Variants in KIAA0930 observed in about 807,000 individuals in gnomAD.
The protein encoded by KIAA0930 is KIAA0930.
Under a neutral mutation model 43.9 loss-of-function variants are expected in KIAA0930, and 24 were observed. That is an observed-to-expected ratio of 0.55 (90% CI 0.40 to 0.77). The LOEUF (loss-of-function observed/expected upper bound fraction) is 0.77. Ranked by LOEUF, KIAA0930 falls within the 30% of genes least tolerant of loss-of-function variation. The pLI is 0.00. For synonymous variants in KIAA0930, 259 were observed against 216.4 expected (o/e 1.20, Z -1.73); for missense variants, 461 against 574.2 (o/e 0.80, Z 2.02).
intron 1 of KIAA0930, among the ~76,000 whole-genome samples, chr22:45,221,207 G>A (rs571346405): frequency 2.0e-5 from 3 of 152,038 alleles, no homozygotes; most frequent in Non-Finnish European, 2.9e-5. Flanking sequence ...TGTCACTATC[G>A]AATATATATT....
rs933850408 is a variant in KIAA0930, at chr22:45,204,231, G to A, written c.517-246C>T. Among the ~76,000 whole-genome samples the A allele has an allele frequency of 6.6e-5, 10 of 152,270 alleles. 2 individuals carry two copies. The highest frequency in any genetic ancestry group is 2.4e-4 in the African/African-American group (10 of 41,556). On this transcript the variant is annotated intron_variant, in intron 5 of 9. Coordinates refer to ENST00000336156, the MANE Select transcript of KIAA0930 (RefSeq NM_001009880.2). ...TACGGAGACTCTGGGACTGGCAGAA[G>A]ACGCACACCCTCATCACGGTTCACC...
intron 1 of KIAA0930, among the ~76,000 whole-genome samples, chr22:45,232,260 C>T (rs545683278): frequency 6.6e-4 from 100 of 152,334 alleles, no homozygotes; most frequent in Non-Finnish European, 1.1e-3. Context: ...ATAATCCACA[C>T]GCTTCATAAC....
chr22:45,209,265 T>TGCGCA (rs1461797741), intron 2 of KIAA0930, among the ~76,000 whole-genome samples: 2 of 152,122 alleles, frequency 1.3e-5, no homozygotes, highest in Non-Finnish European at 2.9e-5. Flanking sequence ...GGACTTGCAG[T>TGCGCA]GCGCAGGCGA....
intron 1 of KIAA0930, among the ~76,000 whole-genome samples, chr22:45,225,446 A>G (rs1249855576): frequency 2.6e-5 from 4 of 152,150 alleles, no homozygotes; most frequent in African/African-American, 9.7e-5. Context: ...TTCCTTTGGA[A>G]GAAGTCCAGG....
rs141242172 is a variant in KIAA0930 at position 45,238,875 on chromosome 22, GCTCTCTCTCT to G, written c.64+1755_64+1764del. Among the ~76,000 whole-genome samples the G allele has an allele frequency of 7.8e-4, 113 of 145,486 alleles. 1 individual carries two copies. The highest frequency in any genetic ancestry group is 2.7e-3 in the African/African-American group (106 of 38,660). On this transcript the variant is annotated intron_variant, in intron 1 of 9. Transcript: ENST00000336156. ...TTCCTCATTGGTTGTCCCTGGGCAGGCTCTCTCTCTCTCTCTCTCTCTCTCTCACCCTCAG... is the reference window on the plus strand; with the variant it reads ...TTCCTCATTGGTTGTCCCTGGGCAGGCTCTCTCTCTCTCTCTCACCCTCAG...
At chr22:45,213,736 G>A (rs9626654) in intron 1 of KIAA0930, among the ~76,000 whole-genome samples, 58,230 of 152,156 alleles carry the variant, frequency 0.38, 11,537 homozygotes, top group South Asian at 0.57. Context: ...TTGGCTGGGT[G>A]TGGTGGCTCA....
rs142855580 is a variant in KIAA0930, at chr22:45,228,655, C to T, written c.64+11985G>A. Among the ~76,000 whole-genome samples the T allele has an allele frequency of 2.3e-3, 350 of 152,196 alleles. 10 individuals carry two copies. The East Asian group carries it at 0.056, about 24-fold the overall frequency. Reference sequence around the variant, plus strand: ...ATACCTCGCTCAAGGGCCAGTTCCCCAACAAATGATCACCTCTTCACCGGA... The same window carrying T: ...ATACCTCGCTCAAGGGCCAGTTCCCTAACAAATGATCACCTCTTCACCGGA... On this transcript the variant is annotated intron_variant, in intron 1 of 9. Coordinates refer to ENST00000336156, the MANE Select transcript of KIAA0930 (RefSeq NM_001009880.2).
In KIAA0930 at chr22:45,195,158, A is replaced by G. The variant is rs2083524904; in HGVS notation, c.*2018T>C. The G allele has an allele frequency of 6.6e-6, 1 of 152,210 alleles. No individual in the cohort carries two copies. The highest frequency in any genetic ancestry group is 6.5e-5 in the Admixed American group (1 of 15,286). The allele number at this position is 152,210 out of a possible 1,614,324, so 9.4% of individuals were successfully genotyped here. Reference sequence around the variant, plus strand: ...GGGCAGCATTTTTGCCATCTTACAGACGGGGAGCCCAGCTTGCTCTGAGCC... The same window carrying G: ...GGGCAGCATTTTTGCCATCTTACAGGCGGGGAGCCCAGCTTGCTCTGAGCC... On this transcript the variant is annotated 3_prime_UTR_variant, in exon 10 of 10. Coordinates refer to ENST00000336156, the MANE Select transcript of KIAA0930 (RefSeq NM_001009880.2).
chr22:45,213,271 AGCCCTCT>A (rs766326867), intron 1 of KIAA0930: 572 of 1,278,438 alleles, frequency 4.5e-4, no homozygotes, highest in South Asian at 2.0e-3. Flanking sequence ...CTCAGCCCTC[AGCCCTCT>A]GCCCTCTGCC....
At chr22:45,230,580 CTTTTT>C (rs796595254) in intron 1 of KIAA0930, among the ~76,000 whole-genome samples, 7 of 128,662 alleles carry the variant, frequency 5.4e-5, no homozygotes, top group African/African-American at 1.7e-4. Context: ...AGATCACATT[CTTTTT>C]TTTTTTTTTT....
rs1424319564 is a variant in KIAA0930 at position 45,229,318 on chromosome 22, CA to C, written c.64+11321del. Among the ~76,000 whole-genome samples, 3 of 20,864 alleles carry C rather than the reference CA, an allele frequency of 1.4e-4. 1 individual carries two copies. Among genetic ancestry groups the C allele is most frequent in the Admixed American group, 5.9e-4 (1 of 1,706 alleles). 13.7% of individuals were successfully genotyped at this position (20,864 alleles called of 152,430 possible). Reference sequence around the variant, plus strand: ...CACTCACCTGAAAGATCCCTCTCCACATCCCCACCACCACTCACCGGAAAGA... The same window carrying C: ...CACTCACCTGAAAGATCCCTCTCCACTCCCCACCACCACTCACCGGAAAGA... On this transcript the variant is annotated intron_variant, in intron 1 of 9. Transcript: ENST00000336156.
Position 45,197,961 on chromosome 22 carries a change from A to C in KIAA0930, c.1016-13T>G. 3 of 1,613,494 alleles carry C rather than the reference A, an allele frequency of 1.9e-6. No homozygotes were observed. Among genetic ancestry groups the C allele is most frequent in the East Asian group, 2.2e-5 (1 of 44,868 alleles). ...TTGTGCAGATCGGCTGGAGGAAAGA[A>C]GGCCAGGTCAAGGCCCCCACAGCAT... On this transcript the variant is annotated splice_polypyrimidine_tract_variant and intron_variant, in intron 8 of 9. Transcript: ENST00000336156.
intron 7 of KIAA0930, among the ~76,000 whole-genome samples, chr22:45,202,248 A>G (rs944500865): frequency 1.3e-5 from 2 of 152,242 alleles, no homozygotes; most frequent in African/African-American, 4.8e-5. Context: ...AGGTAGAGCA[A>G]AGCAGCCAGT....
intron 7 of KIAA0930, 89 bp downstream of exon 7, chr22:45,202,901 A>C (rs969548483): frequency 8.9e-7 from 1 of 1,125,264 alleles, no homozygotes. Flanking sequence ...GACAACACCT[A>C]TGTCCCCAGG....
chr22:45,203,527 G>A (rs931105278), intron 6 of KIAA0930, among the ~76,000 whole-genome samples: 17 of 152,120 alleles, frequency 1.1e-4, no homozygotes, highest in African/African-American at 4.1e-4. Context: ...AGGGCCAGTC[G>A]CAGGAAGCAA....
At chr22:45,231,909 T>A (rs1382805427) in intron 1 of KIAA0930, among the ~76,000 whole-genome samples, 1 of 152,114 alleles carries the variant, frequency 6.6e-6, no homozygotes, top group African/African-American at 2.4e-5. Flanking sequence ...GAGAATGGCG[T>A]GAACCTGGGA....
intron 1 of KIAA0930, among the ~76,000 whole-genome samples, chr22:45,227,065 T>TGAGCCAG (rs1240276961): frequency 6.6e-6 from 1 of 152,194 alleles, no homozygotes; most frequent in Non-Finnish European, 1.5e-5. Flanking sequence ...GCCCGGGCCC[T>TGAGCCAG]GAGCCAGGAG....
At chr22:45,202,251 C>T (rs921818039) in intron 7 of KIAA0930, among the ~76,000 whole-genome samples, 1 of 152,264 alleles carries the variant, frequency 6.6e-6, no homozygotes, top group African/African-American at 2.4e-5. Context: ...TAGAGCAAAG[C>T]AGCCAGTGGG....
At chr22:45,229,650 G>T (rs2083839517) in intron 1 of KIAA0930, among the ~76,000 whole-genome samples, 1 of 152,224 alleles carries the variant, frequency 6.6e-6, no homozygotes, top group Non-Finnish European at 1.5e-5. Context: ...GCCAACAACG[G>T]GTTGAGGAGG....
Sources: gnomAD v4.1 joint callset for allele counts (sites outside exome capture counted in the v4.1 genomes callset) on GRCh38, gnomAD v4.1.1 for gene constraint, MANE v1.5 for transcripts, NCBI Gene and HGNC (gene_info 2026-07-23, HGNC 2026-07-21) for gene names.